The following PTPRS variants were observed in gnomAD, a reference collection of about 807,000 sequenced individuals.
PTPRS encodes protein tyrosine phosphatase receptor type S, also known as receptor-type tyrosine-protein phosphatase S.
PTPRS carries 63 observed loss-of-function variants against 215.3 expected under a neutral mutation model. That is an observed-to-expected ratio of 0.29 (90% CI 0.24 to 0.36). The LOEUF is 0.36. Ranked by LOEUF, PTPRS falls within the 10% of genes least tolerant of loss-of-function variation. PTPRS has a pLI of 1.00. For synonymous variants in PTPRS, 1,404 were observed against 1,191.4 expected (o/e 1.18, Z -3.68); for missense variants, 2,258 against 2,825.8 (o/e 0.80, Z 4.56).
intron 1 of PTPRS, among the ~76,000 whole-genome samples, chr19:5,315,541 T>G (rs1467116565): frequency 2.0e-5 from 3 of 151,256 alleles, no homozygotes; most frequent in African/African-American, 7.3e-5. Context: ...TTTTTAAAAT[T>G]TTTTTCAGAG....
Position 5,220,361 on chromosome 19 carries a change from G to T in PTPRS, c.3456-8C>A. 1 of 1,611,136 alleles carries T rather than the reference G, an allele frequency of 6.2e-7. No individual in the cohort carries two copies. The highest frequency in any genetic ancestry group is 1.1e-5 in the South Asian group (1 of 90,688). ...ATCACAATGAAATAGCTCCTGTAGG[G>T]AGATGGGAAAGAGTCAGAGGGGCTG... On this transcript the variant is annotated splice_polypyrimidine_tract_variant and splice_region_variant and intron_variant, in intron 20 of 37. Coordinates refer to ENST00000262963, the MANE Select transcript of PTPRS (RefSeq NM_002850.4).
In PTPRS at chr19:5,294,828, T is replaced by A. The variant is rs73919801; in HGVS notation, c.-94-8594A>T. ...TGTGAGTGTCTGCACACAGGCTCCC[T>A]GCCTGCCCCTTTGACACAGAGCACA... On this transcript the variant is annotated intron_variant, in intron 1 of 37. Transcript: ENST00000262963. This position sits in a 1 kb window ranked among gnomAD's most constrained non-coding sequence, Gnocchi z 5.1. 9,914 of 152,356 alleles carry A rather than the reference T, an allele frequency of 0.065. 355 individuals are homozygous for A. The highest frequency in any genetic ancestry group is 0.12 in the Middle Eastern group (34 of 294). The allele number at this position is 152,356 out of a possible 1,614,324, so 9.4% of individuals were successfully genotyped here. A position where few individuals can be genotyped will look rare whatever the true frequency, so the allele number is the denominator to read the frequency against.
chr19:5,249,373 C>T (rs1420899217), intron 9 of PTPRS, among the ~76,000 whole-genome samples: 1 of 152,200 alleles, frequency 6.6e-6, no homozygotes, highest in Non-Finnish European at 1.5e-5. Context: ...AGAATTTCTA[C>T]TGAATTCCCA....
At chr19:5,208,090 G>A (rs778830949) in intron 36 of PTPRS, 33 bp from the exon 37 acceptor site, 19 of 1,602,296 alleles carry the variant, frequency 1.2e-5, no homozygotes, top group African/African-American at 1.3e-5. Flanking sequence ...AGCCATTCAG[G>A]GGCAGGTGCT....
At position 5,277,870 on chromosome 19, in the gene PTPRS, C is replaced by T. The variant is rs150795015; in HGVS notation, c.92-3526G>A. The T allele has an allele frequency of 9.9e-4, 940 of 945,524 alleles. 7 individuals are homozygous for T. In the African/African-American group the frequency reaches 0.014, roughly 14 times the overall value. 58.6% of individuals were successfully genotyped at this position (945,524 alleles called of 1,614,324 possible). A position where few individuals can be genotyped will look rare whatever the true frequency, so the allele number is the denominator to read the frequency against. On this transcript the variant is annotated intron_variant, in intron 2 of 37. Transcript: ENST00000262963. ...ACCCAGAGGTATTGACAACAGGGTT[C>T]GCAGAACGTTCAAGGGCCAGATCTT...
intron 1 of PTPRS, among the ~76,000 whole-genome samples, chr19:5,298,185 T>C (rs1304125536): frequency 2.0e-5 from 3 of 152,180 alleles, no homozygotes; most frequent in African/African-American, 7.2e-5. Flanking sequence ...AGTGTCCGGG[T>C]CACAGAATTT....
chr19:5,331,219 C>T lies in PTPRS; in HGVS notation c.-95+9445G>A, dbSNP rs368786020. Among the ~76,000 whole-genome samples, 262 of 151,328 alleles carry T rather than the reference C, an allele frequency of 1.7e-3. 1 individual carries two copies. The highest frequency in any genetic ancestry group is 6.0e-3 in the African/African-American group (247 of 41,244). On this transcript the variant is annotated intron_variant, in intron 1 of 37. Coordinates refer to ENST00000262963, the MANE Select transcript of PTPRS (RefSeq NM_002850.4). ...AATCATAGCTCACTGCAGCCTCAAA[C>T]TCTTAGGCTCAAGCAATCCTCCCAC...
intron 7 of PTPRS, among the ~76,000 whole-genome samples, chr19:5,259,064 G>T (rs968036062): frequency 2.6e-5 from 4 of 152,030 alleles, no homozygotes; most frequent in African/African-American, 9.7e-5. Context: ...TGAAATCAGG[G>T]GTCTGATTGA....
intron 9 of PTPRS, among the ~76,000 whole-genome samples, chr19:5,246,931 G>A (rs1019465752): frequency 1.3e-5 from 2 of 152,076 alleles, no homozygotes; most frequent in African/African-American, 4.8e-5. Flanking sequence ...GAGACAGAGA[G>A]AGAAAGGAGG....
intron 1 of PTPRS, among the ~76,000 whole-genome samples, chr19:5,305,989 T>C (rs117764349): frequency 0.053 from 6,923 of 130,990 alleles, 233 homozygotes; most frequent in Middle Eastern, 0.11. Flanking sequence ...TCCTCATGCC[T>C]GGAACAGAGA....
chr19:5,270,359 T>C (rs1425073517), intron 4 of PTPRS, among the ~76,000 whole-genome samples: 2 of 127,368 alleles, frequency 1.6e-5, no homozygotes, highest in South Asian at 2.7e-4. Flanking sequence ...AGCATGATCA[T>C]AGCCCACTGT....
intron 1 of PTPRS, among the ~76,000 whole-genome samples, chr19:5,302,523 A>G (rs1210152499): frequency 6.6e-6 from 1 of 152,222 alleles, no homozygotes; most frequent in Non-Finnish European, 1.5e-5. Context: ...AATAGTACCC[A>G]GTTATCCCAT....
chr19:5,312,640 G>A (rs557307894), intron 1 of PTPRS, among the ~76,000 whole-genome samples: 6 of 152,228 alleles, frequency 3.9e-5, no homozygotes, highest in South Asian at 4.1e-4. Flanking sequence ...CAGTCTGGGC[G>A]ACAGAGCAAG....
intron 1 of PTPRS, among the ~76,000 whole-genome samples, chr19:5,318,646 T>G (rs535497006): frequency 3.2e-4 from 49 of 151,948 alleles, no homozygotes; most frequent in Admixed American, 2.0e-3. Context: ...TTGGTGGTGG[T>G]TGTTATTATT....
At chr19:5,209,910 G>T (rs191429263) in intron 35 of PTPRS, among the ~76,000 whole-genome samples, 7 of 152,168 alleles carry the variant, frequency 4.6e-5, no homozygotes, top group Admixed American at 3.3e-4. Context: ...CCCTCACTGC[G>T]TTCTCTACCA....
intron 1 of PTPRS, among the ~76,000 whole-genome samples, chr19:5,308,116 G>A (rs1277758480): frequency 3.9e-5 from 6 of 152,190 alleles, no homozygotes; most frequent in African/African-American, 1.4e-4. Context: ...TGTATCCCAT[G>A]TGTACGCATT....
intron 16 of PTPRS, among the ~76,000 whole-genome samples, chr19:5,226,807 C>G (rs2042544605): frequency 6.6e-6 from 1 of 152,028 alleles, no homozygotes; most frequent in South Asian, 2.1e-4. Flanking sequence ...AAAGCAAAGG[C>G]AATAAATACA....
chr19:5,292,694 A>C (rs1291543432), intron 1 of PTPRS: 1 of 152,320 alleles, frequency 6.6e-6, no homozygotes, highest in African/African-American at 2.4e-5. Flanking sequence ...GGGGTGGCTA[A>C]GAGCAGGGAT....
At chr19:5,264,167 C>CTCTATTGTCTTTGTCCCATGATGT (rs71170902) in intron 5 of PTPRS, among the ~76,000 whole-genome samples, 3 of 151,862 alleles carry the variant, frequency 2.0e-5, no homozygotes, top group Non-Finnish European at 2.9e-5. Context: ...CCGCCATCAC[C>CTCTATTGTCTTTGTCCCATGATGT]TCTTACTGCT....
Sources: allele counts gnomAD v4.1 joint callset (sites outside exome capture counted in the v4.1 genomes callset), GRCh38; gene constraint gnomAD v4.1.1; non-coding constraint Gnocchi (gnomAD v3.1); transcripts MANE v1.5; gene names NCBI Gene and HGNC (gene_info 2026-07-23, HGNC 2026-07-21).